Variants in AKAP9 observed in about 807,000 individuals in gnomAD.
AKAP9 encodes the protein A-kinase anchor protein 9.
In AKAP9, 311 loss-of-function variants were observed where a neutral mutation model predicts 488.5. The observed-to-expected ratio is 0.64, with a 90% confidence interval of 0.58 to 0.70. AKAP9 has a LOEUF of 0.70. Among genes scored for constraint, AKAP9 ranks in the 30% least tolerant of loss-of-function variants. The probability of loss-of-function intolerance (pLI) is 0.00; values close to 1 mark genes in which losing one functional copy is unlikely to be tolerated. For missense variants in AKAP9, 4,215 were observed against 4,374.5 expected, an observed-to-expected ratio of 0.96 and a Z score of 1.03; for synonymous variants, 1,462 against 1,483.5, an observed-to-expected ratio of 0.99 and a Z score of 0.33.
intron 47 of AKAP9, 94 bp downstream of exon 47, chr7:92,105,857 GT>G: frequency 8.6e-7 from 1 of 1,159,738 alleles, no homozygotes; most frequent in Non-Finnish European, 1.3e-6. Context: ...TCTGTGGCCT[GT>G]TAGGAACCAG....
chr7:92,070,512 A>G (rs1811541767), intron 27 of AKAP9, among the ~76,000 whole-genome samples: 1 of 151,948 alleles, frequency 6.6e-6, no homozygotes. Context: ...TCAGCTTACC[A>G]CAACCTCCAC....
At chr7:92,023,154 A>T in intron 14 of AKAP9, 145 bp downstream of exon 14, 1 of 810,348 alleles carries the variant, frequency 1.2e-6, no homozygotes, top group Non-Finnish European at 2.1e-6. Context: ...AAGAAGAGCA[A>T]GAGATCATTC....
chr7:92,094,377 C>T (rs12704634), intron 39 of AKAP9, among the ~76,000 whole-genome samples: 60,790 of 150,624 alleles, frequency 0.4, 12,547 homozygotes, highest in African/African-American at 0.47. Flanking sequence ...ACTAAAAATA[C>T]AAAAAATTAG....
At chr7:92,068,801 G>A (rs1563082505) in intron 26 of AKAP9, among the ~76,000 whole-genome samples, 1 of 151,362 alleles carries the variant, frequency 6.6e-6, no homozygotes, top group Non-Finnish European at 1.5e-5. Flanking sequence ...TGAAATTATA[G>A]TTAAGCTTGC....
chr7:91,992,555 TTGGGAGGC>T, intron 4 of AKAP9, among the ~76,000 whole-genome samples: 1 of 151,022 alleles, frequency 6.6e-6, no homozygotes, highest in East Asian at 1.9e-4. Context: ...TCCCAGCTAC[TTGGGAGGC>T]TGAGACAAGA....
chr7:92,023,080 G>C, intron 14 of AKAP9, 71 bp downstream of exon 14: 1 of 1,523,654 alleles, frequency 6.6e-7, no homozygotes, highest in East Asian at 2.3e-5. Flanking sequence ...CATCCAGAAT[G>C]GTTATTTAAA....
chr7:91,954,671 A>T (rs539245148), intron 1 of AKAP9, among the ~76,000 whole-genome samples: 2 of 151,998 alleles, frequency 1.3e-5, no homozygotes, highest in African/African-American at 4.8e-5. Context: ...AGGCTCCCAA[A>T]TTTTGCTGCA....
At chr7:92,022,164 G>A (rs547607230) in intron 12 of AKAP9, 74 bp from the exon 13 acceptor site, 334 of 1,179,390 alleles carry the variant, frequency 2.8e-4, no homozygotes, top group Middle Eastern at 2.5e-3. Flanking sequence ...TAAATGCAGA[G>A]TTGCTTTAAT....
At chr7:92,033,614 TTTTTGTAGAGACAGGG>T (rs1804669834) in intron 16 of AKAP9, among the ~76,000 whole-genome samples, 1 of 152,054 alleles carries the variant, frequency 6.6e-6, no homozygotes, top group Non-Finnish European at 1.5e-5. Context: ...CCAGCTAATT[TTTTTGTAGAGACAGGG>T]TTTTGCCATG....
intron 49 of AKAP9, among the ~76,000 whole-genome samples, chr7:92,109,217 TTC>T (rs1487993582): frequency 6.6e-6 from 1 of 152,206 alleles, no homozygotes; most frequent in Non-Finnish European, 1.5e-5. Flanking sequence ...GGATTATTTT[TTC>T]TTTGTTCAAA....
chr7:91,967,419 A>C (rs1437419025), intron 1 of AKAP9, among the ~76,000 whole-genome samples: 2 of 152,212 alleles, frequency 1.3e-5, no homozygotes, highest in South Asian at 4.1e-4. Flanking sequence ...TTCCCTATTC[A>C]GTGTGATATT....
chr7:91,995,582 G>C, intron 6 of AKAP9, 21 bp from the exon 7 acceptor site: 8 of 1,610,570 alleles, frequency 5.0e-6, no homozygotes, highest in Non-Finnish European at 6.8e-6. Context: ...TTAACGTTTT[G>C]AGGTTTCTTT....
In AKAP9 at chr7:92,001,601, C is replaced by A; in HGVS notation, c.1684C>A (p.His562Asn). 1 of 1,613,790 alleles carries A rather than the reference C, an allele frequency of 6.2e-7. No individual in the cohort carries two copies. Among genetic ancestry groups the A allele is most frequent in the Non-Finnish European group, 8.5e-7 (1 of 1,179,784 alleles). Residue 562 changes from histidine to asparagine, a missense_variant, in exon 8 of 50, where the codon CAT becomes AAT. By Grantham distance (68) the His-to-Asn change is moderately conservative (BLOSUM62 1). Coordinates refer to ENST00000356239, the MANE Select transcript of AKAP9 (RefSeq NM_005751.5). ...ACAAGAAAGTAAACTTAATGAAGCA[C>A]ATAAGTCCCTTAGTACAGTGGAAGA... ...AEQESKLNEA[H>N]KSLSTVEDLK...
intron 13 of AKAP9, 37 bp from the exon 14 acceptor site, chr7:92,022,777 T>C: frequency 1.5e-6 from 2 of 1,343,692 alleles, no homozygotes; most frequent in Non-Finnish European, 1.1e-6. Flanking sequence ...GAAACTTATA[T>C]TGAAATGTGC....
At position 92,046,929 on chromosome 7, in the gene AKAP9, G is replaced by A. The variant is rs561649169; in HGVS notation, c.5368+1716G>A. ...TACAGATGTATTTTGTGCTTTTGTT[G>A]TTGTTGTTAGCAGTTCTCTTAGATA... On this transcript the variant is annotated intron_variant, in intron 21 of 49. Coordinates refer to ENST00000356239, the MANE Select transcript of AKAP9 (RefSeq NM_005751.5). 1.5e-3 allele frequency among the ~76,000 whole-genome samples: 226 copies of A among 152,234 alleles called. 1 individual carries two copies. Among genetic ancestry groups the A allele is most frequent in the African/African-American group, 5.2e-3 (217 of 41,558 alleles).
rs777446470 is a variant in AKAP9, at chr7:92,086,219, C to T, written c.9025-9C>T. The T allele has an allele frequency of 6.2e-7, 1 of 1,610,222 alleles. No individual in the cohort carries two copies. Among genetic ancestry groups the T allele is most frequent in the African/African-American group, 1.3e-5 (1 of 74,822 alleles). ...TGAAAACTAACTATCGTTATATGTACTTTGCTAGGTTTATGATAGTTCTCA... is the reference window on the plus strand; with the variant it reads ...TGAAAACTAACTATCGTTATATGTATTTTGCTAGGTTTATGATAGTTCTCA... On this transcript the variant is annotated splice_polypyrimidine_tract_variant and intron_variant, in intron 36 of 49. Transcript: ENST00000356239.
intron 21 of AKAP9, among the ~76,000 whole-genome samples, chr7:92,049,269 C>T (rs1298340046): frequency 2.0e-5 from 3 of 152,164 alleles, no homozygotes; most frequent in Non-Finnish European, 4.4e-5. Flanking sequence ...AGTTCCCCTG[C>T]TAATCTATAT....
At chr7:92,093,013 C>A (rs1212339080) in intron 38 of AKAP9, 84 bp from the exon 39 acceptor site, 3 of 1,208,550 alleles carry the variant, frequency 2.5e-6, no homozygotes, top group Non-Finnish European at 3.6e-6. Context: ...TCCTTAACTA[C>A]AAATCAGTTC....
At chr7:92,069,991 A>C in intron 26 of AKAP9, 39 bp from the exon 27 acceptor site, 1 of 1,588,498 alleles carries the variant, frequency 6.3e-7, no homozygotes, top group Non-Finnish European at 8.6e-7. Flanking sequence ...GCTTGCTGAA[A>C]TTTTTTTTAA....
Sources: allele counts gnomAD v4.1 joint callset (sites outside exome capture counted in the v4.1 genomes callset), GRCh38; gene constraint gnomAD v4.1.1; transcripts MANE v1.5; gene names NCBI Gene and HGNC (gene_info 2026-07-23, HGNC 2026-07-21).